PCDHGA4: variants seen among roughly 807,000 people sequenced by gnomAD.
PCDHGA4 encodes the protein protocadherin gamma subfamily A, 4.
Under a neutral mutation model 54.6 loss-of-function variants are expected in PCDHGA4, and 38 were observed. That is an observed-to-expected ratio of 0.70 (90% CI 0.54 to 0.91). The LOEUF (loss-of-function observed/expected upper bound fraction) is 0.91. PCDHGA4 is among the 40% of genes least tolerant of loss of function. The probability of loss-of-function intolerance (pLI) is 0.00; values close to 1 mark genes in which losing one functional copy is unlikely to be tolerated. For missense variants in PCDHGA4, 1,298 were observed against 1,220.9 expected, an observed-to-expected ratio of 1.06 and a Z score of -0.94; for synonymous variants, 511 against 512.9, an observed-to-expected ratio of 1.00 and a Z score of 0.05.
In PCDHGA4 at chr5:141,355,796, C is replaced by G; in HGVS notation, c.689C>G (p.Ala230Gly). 1.2e-6 allele frequency: 2 copies of G among 1,613,556 alleles called. No individual in the cohort carries two copies. The highest frequency in any genetic ancestry group is 1.7e-6 in the Non-Finnish European group (2 of 1,179,692). The change falls in exon 1 of 4, where the codon GCT (alanine) becomes GGT (glycine). Residue 230 changes from alanine to glycine, a missense_variant. Transcript: ENST00000571252. ...IKYPELVLER[A>G]LDREEEAVHH... ...TACCCAGAGCTGGTGCTGGAACGCG[C>G]TCTAGATCGCGAGGAAGAGGCGGTT...
intron 1 of PCDHGA4, among the ~76,000 whole-genome samples, chr5:141,467,814 A>G (rs2099152300): frequency 6.6e-6 from 1 of 151,978 alleles, no homozygotes; most frequent in Non-Finnish European, 1.5e-5. Flanking sequence ...ACATGCCACC[A>G]CACCAGGCTG....
Position 141,476,019 on chromosome 5 carries a change from C to T in PCDHGA4, c.2515-18788C>T, listed in dbSNP as rs964061075. The T allele has an allele frequency of 3.9e-5, 54 of 1,390,282 alleles. 1 individual carries two copies. Among genetic ancestry groups the T allele is most frequent in the Non-Finnish European group, 4.9e-5 (51 of 1,034,212 alleles). 86.1% of individuals were successfully genotyped at this position (1,390,282 alleles called of 1,614,324 possible). A position where few individuals can be genotyped will look rare whatever the true frequency, so the allele number is the denominator to read the frequency against. Reference sequence around the variant, plus strand: ...ACGGCATCCAGAAAGCCATGTCGGACTCGGCGCCCAGCGCCCAAGCGCTAA... The same window carrying T: ...ACGGCATCCAGAAAGCCATGTCGGATTCGGCGCCCAGCGCCCAAGCGCTAA... On this transcript the variant is annotated intron_variant, in intron 1 of 3. Transcript: ENST00000571252. This position sits in a 1 kb window ranked among gnomAD's most constrained non-coding sequence, Gnocchi z 7.6.
At chr5:141,507,442 C>T (rs748782097) in intron 3 of PCDHGA4, among the ~76,000 whole-genome samples, 1 of 152,162 alleles carries the variant, frequency 6.6e-6, no homozygotes, top group African/African-American at 2.4e-5. Flanking sequence ...CTACAGCTGA[C>T]GGAAGGACAG....
intron 1 of PCDHGA4, chr5:141,398,825 C>A (rs747230922): frequency 6.2e-7 from 1 of 1,613,994 alleles, no homozygotes; most frequent in South Asian, 1.1e-5. Flanking sequence ...ATCCAGGTAA[C>A]CGACGCCAAT....
chr5:141,493,560 C>T lies in PCDHGA4; in HGVS notation c.2515-1247C>T, dbSNP rs1222578153. ...TTATCCTTTTGGAGATTGAGTTCCCCCAGCTCCGTTTCCTCCTATCACAAT... is the reference window on the plus strand; with the variant it reads ...TTATCCTTTTGGAGATTGAGTTCCCTCAGCTCCGTTTCCTCCTATCACAAT... On this transcript the variant is annotated intron_variant, in intron 1 of 3. Transcript: ENST00000571252. The surrounding 1 kb of genome is among the most constrained non-coding windows in gnomAD (Gnocchi z 4.3). Among the ~76,000 whole-genome samples, 4 of 152,162 alleles carry T rather than the reference C, an allele frequency of 2.6e-5. No individual in the cohort carries two copies. The highest frequency in any genetic ancestry group is 2.1e-4 in the South Asian group (1 of 4,830).
chr5:141,404,185 C>T, intron 1 of PCDHGA4: 1 of 1,613,214 alleles, frequency 6.2e-7, no homozygotes, highest in Non-Finnish European at 8.5e-7. Context: ...AAATTCTTGA[C>T]CGAGAAAAAG....
At chr5:141,421,316 G>A in intron 1 of PCDHGA4, 1 of 1,613,866 alleles carries the variant, frequency 6.2e-7, no homozygotes, top group Non-Finnish European at 8.5e-7. Flanking sequence ...TTCCGGGCCA[G>A]GCAGATCCGA....
At chr5:141,388,835 G>T in intron 1 of PCDHGA4, 1 of 1,613,946 alleles carries the variant, frequency 6.2e-7, no homozygotes, top group South Asian at 1.1e-5. Flanking sequence ...CCATAGTTTT[G>T]GAAGCAAGGG....
intron 2 of PCDHGA4, among the ~76,000 whole-genome samples, chr5:141,500,815 A>G (rs2099802742): frequency 6.6e-6 from 1 of 152,196 alleles, no homozygotes; most frequent in African/African-American, 2.4e-5. Context: ...ATGAATATAC[A>G]TATTATTTTT....
intron 1 of PCDHGA4, chr5:141,372,531 C>G (rs767186429): frequency 6.2e-7 from 1 of 1,614,032 alleles, no homozygotes; most frequent in Admixed American, 1.7e-5. Context: ...GGCAATCTCC[C>G]TGCGCCTGCG....
intron 1 of PCDHGA4, chr5:141,423,252 C>T (rs2096724826): frequency 1.2e-6 from 2 of 1,613,802 alleles, no homozygotes; most frequent in South Asian, 2.2e-5. Context: ...TCCTGGCGGA[C>T]CTCGGCAGCC....
chr5:141,407,996 TG>T, intron 1 of PCDHGA4: 1 of 872,306 alleles, frequency 1.1e-6, no homozygotes, highest in Non-Finnish European at 1.7e-6. Flanking sequence ...GCCTCTGGCC[TG>T]GGATTCCCTG....
chr5:141,489,635 G>T lies in PCDHGA4; in HGVS notation c.2515-5172G>T, dbSNP rs1380466520. On this transcript the variant is annotated intron_variant, in intron 1 of 3. Coordinates refer to ENST00000571252, the MANE Select transcript of PCDHGA4 (RefSeq NM_018917.4). This position sits in a 1 kb window ranked among gnomAD's most constrained non-coding sequence, Gnocchi z 4.5. ...CTGGATCTCAATGACAACTCTCCTA[G>T]CTTTGCCACCCCTGAGCGAGAGATG... 1.2e-6 allele frequency: 2 copies of T among 1,614,024 alleles called. No homozygotes were observed. The highest frequency in any genetic ancestry group is 2.7e-5 in the African/African-American group (2 of 74,908).
chr5:141,429,547 A>C (rs2097222392), intron 1 of PCDHGA4, among the ~76,000 whole-genome samples: 1 of 152,196 alleles, frequency 6.6e-6, no homozygotes, highest in Non-Finnish European at 1.5e-5. Flanking sequence ...AGAACATGGT[A>C]ATGATTTGAT....
In PCDHGA4 at chr5:141,355,947, A is replaced by C; in HGVS notation, c.840A>C (p.Val280=). ...TGTTCACTCAGCCCGAGTACCACGT[A>C]AGTGTTCGTGAGAACGTTCCTGTAG... The part of the protein sequence containing the change: ...APVFTQPEYH[V]SVRENVPVGT... Residue 280 remains valine, a synonymous_variant, in exon 1 of 4, where the codon GTA becomes GTC. Transcript: ENST00000571252. 1.2e-6 allele frequency: 2 copies of C among 1,613,908 alleles called. No homozygotes were observed. Among genetic ancestry groups the C allele is most frequent in the Non-Finnish European group, 1.7e-6 (2 of 1,179,854 alleles).
In PCDHGA4 at chr5:141,356,230, G is replaced by C. The variant is rs551700676; in HGVS notation, c.1123G>C (p.Ala375Pro). ...GACAGTTCTGGATGAAAATGACAAC[G>C]CACCAGAAGTCACAGTTACATCTCT... is the stretch of plus-strand genomic sequence containing the variant. ...LVTVLDENDN[A>P]PEVTVTSLTS... is the part of the protein sequence containing the mutation. Residue 375 changes from alanine to proline, a missense_variant, in exon 1 of 4, where the codon GCA becomes CCA. Physicochemically the swap from Ala to Pro is conservative, Grantham distance 27 (BLOSUM62 -1). Coordinates refer to ENST00000571252, the MANE Select transcript of PCDHGA4 (RefSeq NM_018917.4). 1.1e-5 allele frequency: 17 copies of C among 1,592,426 alleles called. No individual in the cohort carries two copies. The highest frequency in any genetic ancestry group is 1.5e-5 in the Non-Finnish European group (17 of 1,168,808).
Position 141,490,157 on chromosome 5 carries a change from G to T in PCDHGA4, c.2515-4650G>T. 1 of 1,614,210 alleles carries T rather than the reference G, an allele frequency of 6.2e-7. No homozygotes were observed. The highest frequency in any genetic ancestry group is 8.5e-7 in the Non-Finnish European group (1 of 1,180,038). On this transcript the variant is annotated intron_variant, in intron 1 of 3. Transcript: ENST00000571252. This position sits in a 1 kb window ranked among gnomAD's most constrained non-coding sequence, Gnocchi z 5.4. ...AGCAGTGGGGCAATCCATGTGTTGGGTCCCATAGACTTTGAGGAGTCACGT... is the reference window on the plus strand; with the variant it reads ...AGCAGTGGGGCAATCCATGTGTTGGTTCCCATAGACTTTGAGGAGTCACGT...
rs759003895 is a variant in PCDHGA4, at chr5:141,356,031, G to A, written c.924G>A (p.Val308=). Residue 308 remains valine, a synonymous_variant, in exon 1 of 4, where the codon GTG becomes GTA. Coordinates refer to ENST00000571252, the MANE Select transcript of PCDHGA4 (RefSeq NM_018917.4). ...CAGATGAAGGAGCCAATGGAGACGT[G>A]ACGTATTCTTTCCGGAAAGTAAGAG... ...TDPDEGANGD[V]TYSFRKVRDK... is the part of the protein sequence containing the mutation. The A allele has an allele frequency of 1.4e-5, 23 of 1,613,836 alleles. No individual in the cohort carries two copies. Among genetic ancestry groups the A allele is most frequent in the Non-Finnish European group, 1.6e-5 (19 of 1,179,900 alleles).
chr5:141,415,968 C>T (rs1382830747), intron 1 of PCDHGA4: 2 of 390,600 alleles, frequency 5.1e-6, no homozygotes, highest in African/African-American at 2.1e-5. Context: ...ACTCCAGCCC[C>T]TTAAGCAACC....
Sources: gnomAD v4.1 joint callset for allele counts (sites outside exome capture counted in the v4.1 genomes callset) on GRCh38, gnomAD v4.1.1 for gene constraint, Gnocchi (gnomAD v3.1) non-coding constraint, MANE v1.5 for transcripts, NCBI Gene and HGNC (gene_info 2026-07-23, HGNC 2026-07-21) for gene names.